The following TTC23 variants were observed in gnomAD, a reference collection of about 807,000 sequenced individuals.
The protein encoded by TTC23 is tetratricopeptide repeat protein 23.
In TTC23, 58 loss-of-function variants were observed where a neutral mutation model predicts 55.1. The observed-to-expected ratio is 1.05, with a 90% confidence interval of 0.85 to 1.31. The LOEUF (loss-of-function observed/expected upper bound fraction) is 1.31. TTC23 is among the 50% of genes most tolerant of loss of function. The probability of loss-of-function intolerance (pLI) is 0.00; values close to 1 mark genes in which losing one functional copy is unlikely to be tolerated. For missense variants in TTC23, 516 were observed against 534.4 expected (o/e 0.97, Z 0.34); for synonymous variants, 203 against 199.9 (o/e 1.02, Z -0.13).
chr15:99,217,667 T>C (rs2077582152), intron 8 of TTC23, among the ~76,000 whole-genome samples: 1 of 152,108 alleles, frequency 6.6e-6, no homozygotes, highest in East Asian at 1.9e-4. Context: ...GCACTTGCAG[T>C]TCAAAAACCA....
chr15:99,245,162 C>T (rs1477573583), intron 2 of TTC23, among the ~76,000 whole-genome samples: 1 of 152,098 alleles, frequency 6.6e-6, no homozygotes, highest in Non-Finnish European at 1.5e-5. Context: ...AATCATATTT[C>T]AATAAAGCTG....
chr15:99,143,136 C>A (rs1298209666), intron 12 of TTC23, among the ~76,000 whole-genome samples: 2 of 152,186 alleles, frequency 1.3e-5, no homozygotes, highest in Admixed American at 1.3e-4. Flanking sequence ...GAGCAGGCAC[C>A]AAGGCTGGAA....
intron 10 of TTC23, among the ~76,000 whole-genome samples, chr15:99,164,280 C>T (rs147075476): frequency 2.6e-5 from 4 of 152,232 alleles, no homozygotes; most frequent in Non-Finnish European, 5.9e-5. Flanking sequence ...TGAAAGCAGC[C>T]GTAGACAATA....
In TTC23 at chr15:99,209,369, A is replaced by G. The variant is rs28654561; in HGVS notation, c.581+9219T>C. On this transcript the variant is annotated intron_variant, in intron 8 of 13. Coordinates refer to ENST00000394132, the MANE Select transcript of TTC23 (RefSeq NM_001288615.3). The stretch of plus-strand genomic sequence containing the variant: ...ATAGCCAACATGAGAAAAGAATTAC[A>G]TCTGGGTATCTTTTTATCACCTGAT... 7.7e-3 allele frequency among the ~76,000 whole-genome samples: 1,172 copies of G among 152,322 alleles called. 15 individuals carry two copies. Among genetic ancestry groups the G allele is most frequent in the African/African-American group, 0.025 (1,051 of 41,560 alleles).
chr15:99,204,764 T>C (rs548176105), intron 8 of TTC23, among the ~76,000 whole-genome samples: 1 of 146,750 alleles, frequency 6.8e-6, no homozygotes, highest in East Asian at 2.1e-4. Flanking sequence ...GGCCCCAGAG[T>C]AGCTGGGACT....
chr15:99,179,675 C>A (rs1239596746), intron 9 of TTC23, among the ~76,000 whole-genome samples: 1 of 152,204 alleles, frequency 6.6e-6, no homozygotes. Flanking sequence ...AGAACCCAAA[C>A]AAAACCTTCT....
At chr15:99,174,093 G>A (rs2073257755) in intron 10 of TTC23, among the ~76,000 whole-genome samples, 1 of 152,200 alleles carries the variant, frequency 6.6e-6, no homozygotes, top group Non-Finnish European at 1.5e-5. Context: ...GGCTCCTCCA[G>A]ATCTAAAAAG....
intron 9 of TTC23, among the ~76,000 whole-genome samples, chr15:99,197,898 G>A (rs1287001758): frequency 2.0e-5 from 3 of 149,528 alleles, no homozygotes; most frequent in East Asian, 2.0e-4. Flanking sequence ...GCAAGACTCC[G>A]CTCAAACAAA....
chr15:99,169,451 C>T (rs1343532416), intron 10 of TTC23, among the ~76,000 whole-genome samples: 1 of 152,190 alleles, frequency 6.6e-6, no homozygotes, highest in African/African-American at 2.4e-5. Flanking sequence ...AAGGACACCT[C>T]ACTGTGGCTA....
At chr15:99,228,812 C>A (rs973621218) in intron 4 of TTC23, 80 bp from the exon 5 acceptor site, 2 of 1,157,994 alleles carry the variant, frequency 1.7e-6, no homozygotes, top group Non-Finnish European at 2.4e-6. Context: ...CAACACTATA[C>A]CCATAATTTC....
intron 11 of TTC23, among the ~76,000 whole-genome samples, chr15:99,161,518 G>A (rs893699431): frequency 6.6e-6 from 1 of 152,180 alleles, no homozygotes; most frequent in Non-Finnish European, 1.5e-5. Flanking sequence ...TCTTTTGTAG[G>A]TGGGCATGAC....
intron 9 of TTC23, among the ~76,000 whole-genome samples, chr15:99,197,165 C>G (rs1192011554): frequency 1.3e-5 from 2 of 151,580 alleles, no homozygotes; most frequent in Admixed American, 6.6e-5. Flanking sequence ...TGCAGTGGCG[C>G]GATCTCAGCT....
At chr15:99,156,623 A>C (rs1312287558) in intron 11 of TTC23, among the ~76,000 whole-genome samples, 2 of 152,180 alleles carry the variant, frequency 1.3e-5, no homozygotes, top group Non-Finnish European at 2.9e-5. Flanking sequence ...AAACCATCAG[A>C]TCTTGTGAGA....
At chr15:99,164,646 A>G (rs1457728931) in intron 10 of TTC23, among the ~76,000 whole-genome samples, 4 of 152,196 alleles carry the variant, frequency 2.6e-5, no homozygotes, top group African/African-American at 9.7e-5. Context: ...TATCATTTCT[A>G]GTTTTGCATT....
At chr15:99,192,126 G>A (rs2075297157) in intron 9 of TTC23, among the ~76,000 whole-genome samples, 1 of 152,166 alleles carries the variant, frequency 6.6e-6, no homozygotes, top group Non-Finnish European at 1.5e-5. Context: ...ATGTGACTTG[G>A]GTGCTATTAA....
chr15:99,160,664 T>C (rs995575137), intron 11 of TTC23: 15 of 152,236 alleles, frequency 9.9e-5, no homozygotes, highest in African/African-American at 3.6e-4. Flanking sequence ...AGTGTGTATA[T>C]ATGTATGTAT....
At chr15:99,221,045 G>A (rs1038238382) in intron 6 of TTC23, among the ~76,000 whole-genome samples, 1 of 152,206 alleles carries the variant, frequency 6.6e-6, no homozygotes, top group Non-Finnish European at 1.5e-5. Context: ...TACAACCCAA[G>A]TTGTTCCAAT....
rs375408646 is a variant in TTC23 at position 99,163,503 on chromosome 15, C to A, written c.866-1636G>T. 5.3e-5 allele frequency among the ~76,000 whole-genome samples: 8 copies of A among 152,210 alleles called. No homozygotes were observed. In the East Asian group the frequency reaches 9.6e-4, roughly 18 times the overall value. The stretch of plus-strand genomic sequence containing the variant: ...AGTCTGAGCAGAGAAGCACGCCTTA[C>A]CACACCAGACTTCTAACCTACAGAA... On this transcript the variant is annotated intron_variant, in intron 10 of 13. Transcript: ENST00000394132.
chr15:99,179,146 T>C (rs552108656), intron 9 of TTC23, among the ~76,000 whole-genome samples: 6 of 152,182 alleles, frequency 3.9e-5, no homozygotes, highest in Non-Finnish European at 7.4e-5. Context: ...GCCAACGACC[T>C]AGCCAACACC....
Sources: gnomAD v4.1 joint callset for allele counts (sites outside exome capture counted in the v4.1 genomes callset) on GRCh38, gnomAD v4.1.1 for gene constraint, MANE v1.5 for transcripts, NCBI Gene and HGNC (gene_info 2026-07-23, HGNC 2026-07-21) for gene names.